Variants in STX17 observed in about 807,000 individuals in gnomAD.
STX17 encodes the protein syntaxin-17.
STX17 carries 29 observed loss-of-function variants against 35.9 expected under a neutral mutation model. The ratio of observed to expected loss-of-function variants is 0.81; its 90% CI spans 0.60 to 1.10. The LOEUF (loss-of-function observed/expected upper bound fraction) is 1.10. STX17 is among the 50% of genes least tolerant of loss of function. STX17 has a pLI of 0.00. For missense variants in STX17, 312 were observed against 352.3 expected, an observed-to-expected ratio of 0.89 and a Z score of 0.92; for synonymous variants, 92 against 118.3, an observed-to-expected ratio of 0.78 and a Z score of 1.44.
intron 6 of STX17, among the ~76,000 whole-genome samples, chr9:99,963,582 A>C (rs1389532426): frequency 6.6e-6 from 1 of 152,118 alleles, no homozygotes; most frequent in Non-Finnish European, 1.5e-5. Context: ...AGTACTTCCC[A>C]TTCTGTTCCC....
intron 6 of STX17, among the ~76,000 whole-genome samples, chr9:99,965,581 G>C (rs544978991): frequency 6.6e-6 from 1 of 152,272 alleles, no homozygotes; most frequent in South Asian, 2.1e-4. Context: ...TAGAAACAAT[G>C]ATAGGGTGTC....
At chr9:99,918,514 T>G (rs1828825772) in intron 2 of STX17, among the ~76,000 whole-genome samples, 1 of 151,980 alleles carries the variant, frequency 6.6e-6, no homozygotes, top group Non-Finnish European at 1.5e-5. Context: ...TTTTTTTTTT[T>G]TTGTAAGTTT....
At chr9:99,928,681 G>A in intron 2 of STX17, 97 bp from the exon 3 acceptor site, 2 of 960,598 alleles carry the variant, frequency 2.1e-6, no homozygotes, top group Non-Finnish European at 3.3e-6. Flanking sequence ...TAGATAGTAT[G>A]TTTAAGTTTG....
rs1402181346 is a variant in STX17, at chr9:99,973,527, G to C, written c.*4854G>C. 6.6e-6 allele frequency among the ~76,000 whole-genome samples: 1 copy of C among 152,100 alleles called. No individual in the cohort carries two copies. ...GGGGCAGCTCTCTTCTCCCATCCCA[G>C]CCATGAATCTTTCAACCTTAGTGGT... On this transcript the variant is annotated 3_prime_UTR_variant, in exon 8 of 8. Transcript: ENST00000259400.
Position 99,960,142 on chromosome 9 carries a change from C to G in STX17, c.569C>G (p.Ser190Cys). The change falls in exon 6 of 8, where the codon TCT becomes TGT. Residue 190 changes from serine to cysteine, a missense_variant. Physicochemically the swap from Ser to Cys is moderately radical, Grantham distance 112. Coordinates refer to ENST00000259400, the MANE Select transcript of STX17 (RefSeq NM_017919.3). ...IELSQLVTDF[S>C]LLVNSQQEKI... ...CTTAGCCAACTGGTCACTGACTTCTCTCTCCTAGTGAATGTAAGTATATAA... is the reference window on the plus strand; with the variant it reads ...CTTAGCCAACTGGTCACTGACTTCTGTCTCCTAGTGAATGTAAGTATATAA... The G allele has an allele frequency of 6.2e-7, 1 of 1,614,006 alleles. No individual in the cohort carries two copies. Among genetic ancestry groups the G allele is most frequent in the Non-Finnish European group, 8.5e-7 (1 of 1,179,950 alleles).
At chr9:99,931,275 A>G (rs1057342106) in intron 3 of STX17, among the ~76,000 whole-genome samples, 5 of 152,034 alleles carry the variant, frequency 3.3e-5, no homozygotes, top group African/African-American at 1.2e-4. Context: ...TACTGCGCCC[A>G]GCTGATTTTC....
Position 99,968,583 on chromosome 9 carries a change from A to C in STX17, c.819A>C (p.Lys273Asn), listed in dbSNP as rs1386691156. ...GGGTGTTGGGCTTCACAGGTGGAAAATTGATACAAAGAAAGAAACAGAAAA... is the reference window on the plus strand; with the variant it reads ...GGGTGTTGGGCTTCACAGGTGGAAACTTGATACAAAGAAAGAAACAGAAAA... ...GGGVLGFTGG[K>N]LIQRKKQKMM... Residue 273 changes from lysine (K) to asparagine (N), a missense_variant, in exon 8 of 8, where the codon AAA becomes AAC. Transcript: ENST00000259400. The C allele has an allele frequency of 5.6e-6, 9 of 1,613,824 alleles. No homozygotes were observed. The Admixed American group carries it at 1.3e-4, about 24-fold the overall frequency.
intron 3 of STX17, among the ~76,000 whole-genome samples, chr9:99,935,625 A>T (rs899691903): frequency 6.6e-6 from 1 of 152,134 alleles, no homozygotes; most frequent in Non-Finnish European, 1.5e-5. Context: ...GCAGAGAGAG[A>T]TTTTTTTAAA....
chr9:99,952,906 AT>A (rs1181220592), intron 4 of STX17, among the ~76,000 whole-genome samples: 6 of 151,680 alleles, frequency 4.0e-5, no homozygotes, highest in Non-Finnish European at 5.9e-5. Context: ...GAGGGATAGC[AT>A]TAGGAGATAT....
chr9:99,937,300 A>T (rs933930487), intron 3 of STX17, among the ~76,000 whole-genome samples: 2 of 152,162 alleles, frequency 1.3e-5, no homozygotes, highest in African/African-American at 2.4e-5. Flanking sequence ...TATCGTTTGC[A>T]TCAAATATGG....
intron 3 of STX17, among the ~76,000 whole-genome samples, chr9:99,950,633 C>A (rs555244508): frequency 2.2e-4 from 34 of 151,890 alleles, no homozygotes; most frequent in African/African-American, 7.0e-4. Flanking sequence ...TTATAGATTA[C>A]TGTGTATAAT....
chr9:99,937,572 A>G (rs1587925003), intron 3 of STX17, among the ~76,000 whole-genome samples: 1 of 152,292 alleles, frequency 6.6e-6, no homozygotes, highest in Admixed American at 6.5e-5. Flanking sequence ...CACATATTGT[A>G]GTTTTCCCCT....
At chr9:99,960,841 A>G (rs935533087) in intron 6 of STX17, among the ~76,000 whole-genome samples, 3 of 152,242 alleles carry the variant, frequency 2.0e-5, no homozygotes, top group Admixed American at 1.3e-4. Flanking sequence ...GAAGAGAGGT[A>G]TTATCAGCTC....
intron 1 of STX17, chr9:99,914,204 A>C (rs1828719460): frequency 6.6e-6 from 1 of 152,222 alleles, no homozygotes; most frequent in Non-Finnish European, 1.5e-5. Context: ...ATAACTCAGC[A>C]GTATTAACAT....
chr9:99,967,886 A>G, intron 7 of STX17, 147 bp downstream of exon 7: 1 of 677,346 alleles, frequency 1.5e-6, no homozygotes, highest in South Asian at 1.8e-5. Flanking sequence ...AGTGTAAGAA[A>G]TCAATGTTGT....
chr9:99,948,659 C>T (rs372575932), intron 3 of STX17, among the ~76,000 whole-genome samples: 1 of 152,080 alleles, frequency 6.6e-6, no homozygotes, highest in Non-Finnish European at 1.5e-5. Flanking sequence ...TTAGCACAAT[C>T]GATAACTTTA....
At chr9:99,968,299 A>G in intron 7 of STX17, 135 bp from the exon 8 acceptor site, 1 of 1,117,894 alleles carries the variant, frequency 8.9e-7, no homozygotes. Flanking sequence ...TCCCCCCTAC[A>G]AGTACAGTCT....
rs917628131 is a variant in STX17 at position 99,971,769 on chromosome 9, C to T, written c.*3096C>T. On this transcript the variant is annotated 3_prime_UTR_variant, in exon 8 of 8. Transcript: ENST00000259400. ...GGGGCAGGGGCTCATGCCTGCAATCCCAGCACTTAGGGAGGCAGAGGCCAG... is the reference window on the plus strand; with the variant it reads ...GGGGCAGGGGCTCATGCCTGCAATCTCAGCACTTAGGGAGGCAGAGGCCAG... Among the ~76,000 whole-genome samples the T allele has an allele frequency of 1.3e-5, 2 of 152,126 alleles. No homozygotes were observed. Among genetic ancestry groups the T allele is most frequent in the Non-Finnish European group, 2.9e-5 (2 of 68,022 alleles).
rs1480272007 is a variant in STX17, at chr9:99,971,306, C to T, written c.*2633C>T. Among the ~76,000 whole-genome samples, 3 of 139,902 alleles carry T rather than the reference C, an allele frequency of 2.1e-5. No homozygotes were observed. The highest frequency in any genetic ancestry group is 3.1e-5 in the Non-Finnish European group (2 of 65,074). 91.8% of individuals were successfully genotyped at this position (139,902 alleles called of 152,430 possible). ...CTAAGGACTTTTTTTTTTTTTTTAACATAATCTGAGAATTTCTCTGTAGAG... is the reference window on the plus strand; with the variant it reads ...CTAAGGACTTTTTTTTTTTTTTTAATATAATCTGAGAATTTCTCTGTAGAG... On this transcript the variant is annotated 3_prime_UTR_variant, in exon 8 of 8. Coordinates refer to ENST00000259400, the MANE Select transcript of STX17 (RefSeq NM_017919.3).
Sources: allele counts gnomAD v4.1 joint callset (sites outside exome capture counted in the v4.1 genomes callset), GRCh38; gene constraint gnomAD v4.1.1; transcripts MANE v1.5; gene names NCBI Gene and HGNC (gene_info 2026-07-23, HGNC 2026-07-21).